TRPV1: variants seen among roughly 807,000 people sequenced by gnomAD.
The protein encoded by TRPV1 is transient receptor potential cation channel subfamily V member 1, also known as OTRPC1.
TRPV1 carries 82 observed loss-of-function variants against 82.3 expected under a neutral mutation model. The observed-to-expected ratio is 1.00, with a 90% CI of 0.83 to 1.20. TRPV1 has a LOEUF of 1.20. Ranked by LOEUF, TRPV1 falls within the 50% of genes most tolerant of loss-of-function variation. The pLI is 0.00. For missense variants in TRPV1, 1,067 were observed against 1,096.8 expected, an observed-to-expected ratio of 0.97 and a Z score of 0.38; for synonymous variants, 515 against 467.7, an observed-to-expected ratio of 1.10 and a Z score of -1.30.
At chr17:3,582,734 G>T (rs985071652) in intron 10 of TRPV1, among the ~76,000 whole-genome samples, 2 of 151,964 alleles carry the variant, frequency 1.3e-5, no homozygotes, top group East Asian at 3.9e-4. Flanking sequence ...GAGGCAGGTG[G>T]ATCACCTGAG....
chr17:3,597,799 G>C (rs567561159), intron 2 of TRPV1, among the ~76,000 whole-genome samples: 2 of 149,220 alleles, frequency 1.3e-5, no homozygotes, highest in Admixed American at 1.3e-4. Context: ...TCAGCCTCCC[G>C]AATAGCTGCA....
rs114671449 is a variant in TRPV1 at position 3,592,893 on chromosome 17, C to A, written c.-33-510G>T. The A allele has an allele frequency of 7.7e-3, 1,201 of 156,220 alleles. 7 individuals carry two copies. The highest frequency in any genetic ancestry group is 0.037 in the Middle Eastern group (11 of 298). The allele number at this position is 156,220 out of a possible 1,614,324, so 9.7% of individuals were successfully genotyped here. A position where few individuals can be genotyped will look rare whatever the true frequency, so the allele number is the denominator to read the frequency against. On this transcript the variant is annotated intron_variant, in intron 2 of 16. Coordinates refer to ENST00000572705, the MANE Select transcript of TRPV1 (RefSeq NM_080704.4). ...TGAGCGGCAGAGACTGGCCCACCCA[C>A]ACCCACACCGCACTGCGGGGCCCTG...
chr17:3,584,416 A>T (rs1257231943), intron 9 of TRPV1, among the ~76,000 whole-genome samples: 729 of 72,320 alleles, frequency 0.01, 36 homozygotes, highest in African/African-American at 0.037. Flanking sequence ...AAAAAAAAAA[A>T]TAAAATAAAA....
chr17:3,576,668 A>AAAAAAATATATATATATAT, intron 13 of TRPV1, among the ~76,000 whole-genome samples: 1 of 38,426 alleles, frequency 2.6e-5, no homozygotes, highest in African/African-American at 7.3e-5. Context: ...AAAAAAAAAA[A>AAAAAAATATATATATATAT]ATATATATAT....
chr17:3,584,403 A>AAG (rs2075058128), intron 9 of TRPV1, among the ~76,000 whole-genome samples: 2 of 35,264 alleles, frequency 5.7e-5, no homozygotes, highest in African/African-American at 2.2e-4. Context: ...ACTCTGTCTC[A>AAG]AAAAAAAAAA....
At chr17:3,577,291 T>C in intron 12 of TRPV1, 99 bp from the exon 13 acceptor site, 1 of 1,315,278 alleles carries the variant, frequency 7.6e-7, no homozygotes, top group South Asian at 1.3e-5. Context: ...CTTGAGAACG[T>C]GCAGGGCGGT....
chr17:3,569,556 A>G (rs1023857257), intron 16 of TRPV1, among the ~76,000 whole-genome samples: 1 of 152,248 alleles, frequency 6.6e-6, no homozygotes, highest in Non-Finnish European at 1.5e-5. Context: ...GCTGCAGTCT[A>G]AGAAGAGCAT....
At chr17:3,602,981 C>T (rs1177094929) in intron 2 of TRPV1, among the ~76,000 whole-genome samples, 5 of 152,088 alleles carry the variant, frequency 3.3e-5, no homozygotes, top group African/African-American at 9.6e-5. Context: ...ATTAGCCAGG[C>T]GTGGTGGTGC....
chr17:3,597,952 G>A (rs1374536769), intron 2 of TRPV1, among the ~76,000 whole-genome samples: 8 of 152,106 alleles, frequency 5.3e-5, no homozygotes, highest in Admixed American at 4.6e-4. Flanking sequence ...GATTCCAGGC[G>A]TGAGCCACTG....
At chr17:3,594,704 T>C (rs2075202354) in intron 2 of TRPV1, among the ~76,000 whole-genome samples, 1 of 152,208 alleles carries the variant, frequency 6.6e-6, no homozygotes, top group Non-Finnish European at 1.5e-5. Context: ...TACTGAGTCC[T>C]CCTCCTCAGA....
chr17:3,575,637 C>T (rs2074919717), intron 13 of TRPV1, among the ~76,000 whole-genome samples: 1 of 152,098 alleles, frequency 6.6e-6, no homozygotes, highest in African/African-American at 2.4e-5. Flanking sequence ...GTATCCATCA[C>T]AAAGGTAAAT....
chr17:3,576,425 G>C (rs1268773921), intron 13 of TRPV1, among the ~76,000 whole-genome samples: 1 of 151,878 alleles, frequency 6.6e-6, no homozygotes, highest in African/African-American at 2.4e-5. Flanking sequence ...GGCCGAGGCA[G>C]GCGGATCACG....
intron 2 of TRPV1, among the ~76,000 whole-genome samples, chr17:3,598,921 G>A (rs984232996): frequency 7.3e-5 from 11 of 150,674 alleles, no homozygotes; most frequent in Non-Finnish European, 1.2e-4. Flanking sequence ...TAATATGAAC[G>A]TTAGAATTCA....
Position 3,566,081 on chromosome 17 carries a change from A to T in TRPV1, c.*734T>A, listed in dbSNP as rs1180612247. 1 of 152,164 alleles carries T rather than the reference A, an allele frequency of 6.6e-6. No individual in the cohort carries two copies. Among genetic ancestry groups the T allele is most frequent in the African/African-American group, 2.4e-5 (1 of 41,394 alleles). 9.4% of individuals were successfully genotyped at this position (152,164 alleles called of 1,614,324 possible). ...AAGCTACTTGGGAGACTGAAGCAGA[A>T]GAATCGCTTGAACCCGGGAGGCAGA... On this transcript the variant is annotated 3_prime_UTR_variant, in exon 17 of 17. Transcript: ENST00000572705.
At chr17:3,599,705 T>G (rs1314106448) in intron 2 of TRPV1, among the ~76,000 whole-genome samples, 1 of 151,700 alleles carries the variant, frequency 6.6e-6, no homozygotes. Context: ...CTCAGCTCAC[T>G]GCAACCTCCA....
In TRPV1 at chr17:3,572,269, G is replaced by A. The variant is rs1597512099; in HGVS notation, c.2104-20C>T. ...GGCTCTCTGCAGGAAGACACCAAGG[G>A]CAGAGGAGCTGAGGGGCAGAGGGTG... On this transcript the variant is annotated intron_variant, in intron 14 of 16. Transcript: ENST00000572705. 6.3e-7 allele frequency: 1 copy of A among 1,595,256 alleles called. No homozygotes were observed. The highest frequency in any genetic ancestry group is 8.5e-7 in the Non-Finnish European group (1 of 1,169,860).
At chr17:3,601,069 C>G (rs1200825281) in intron 2 of TRPV1, among the ~76,000 whole-genome samples, 1 of 152,018 alleles carries the variant, frequency 6.6e-6, no homozygotes, top group Non-Finnish European at 1.5e-5. Flanking sequence ...CCTCCACATT[C>G]ACTCCCCTCC....
At chr17:3,601,232 C>G (rs1262865604) in intron 2 of TRPV1, among the ~76,000 whole-genome samples, 1 of 152,052 alleles carries the variant, frequency 6.6e-6, no homozygotes, top group Non-Finnish European at 1.5e-5. Flanking sequence ...GGAGCCCCTT[C>G]TTCTCACCTG....
chr17:3,580,394 C>G (rs1337973816), intron 11 of TRPV1, 63 bp downstream of exon 11: 6 of 1,576,718 alleles, frequency 3.8e-6, no homozygotes, highest in Non-Finnish European at 5.2e-6. Context: ...AGTGAGACCT[C>G]AAGTGAGAAC....
Sources: allele counts gnomAD v4.1 joint callset (sites outside exome capture counted in the v4.1 genomes callset), GRCh38; gene constraint gnomAD v4.1.1; transcripts MANE v1.5; gene names NCBI Gene and HGNC (gene_info 2026-07-23, HGNC 2026-07-21).